Variants in ADD1 observed in about 807,000 individuals in gnomAD.
The protein encoded by ADD1 is adducin 1.
ADD1 carries 24 observed loss-of-function variants against 80.5 expected under a neutral mutation model. The ratio of observed to expected loss-of-function variants is 0.30; its 90% confidence interval spans 0.22 to 0.42. The LOEUF (loss-of-function observed/expected upper bound fraction) is 0.42, where lower values mean the gene tolerates loss of function less well. ADD1 is among the 10% of genes least tolerant of loss of function. The pLI, the probability that ADD1 is intolerant of heterozygous loss-of-function variation, is 1.00. For missense variants in ADD1, 948 were observed against 1,019.0 expected, an observed-to-expected ratio of 0.93 and a Z score of 0.95; for synonymous variants, 373 against 393.8, an observed-to-expected ratio of 0.95 and a Z score of 0.63.
At chr4:2,927,400 G>A (rs572570932) in intron 15 of ADD1, among the ~76,000 whole-genome samples, 6 of 152,370 alleles carry the variant, frequency 3.9e-5, no homozygotes, top group African/African-American at 1.4e-4. Context: ...CCACTCAGCT[G>A]ACTCCCCTGG....
At chr4:2,905,761 AG>A (rs1736949076) in intron 10 of ADD1, 2 of 153,160 alleles carry the variant, frequency 1.3e-5, no homozygotes, top group Non-Finnish European at 2.9e-5. Flanking sequence ...GGCCATCTGC[AG>A]GCACCAGCGA....
intron 6 of ADD1, among the ~76,000 whole-genome samples, chr4:2,896,029 A>G (rs1013866800): frequency 1.3e-5 from 2 of 151,968 alleles, no homozygotes; most frequent in African/African-American, 4.8e-5. Flanking sequence ...CTGGGACTAC[A>G]GGTGCCCGCC....
intron 14 of ADD1, among the ~76,000 whole-genome samples, chr4:2,918,108 T>G (rs1181217769): frequency 6.6e-6 from 1 of 152,254 alleles, no homozygotes; most frequent in Non-Finnish European, 1.5e-5. Flanking sequence ...ATAAATTACT[T>G]TGGGCAGTAT....
intron 14 of ADD1, among the ~76,000 whole-genome samples, chr4:2,918,607 T>C (rs535861427): frequency 6.2e-4 from 94 of 152,356 alleles, no homozygotes; most frequent in African/African-American, 2.3e-3. Flanking sequence ...TCAAAGGGAA[T>C]GCTTCCAGCC....
At chr4:2,885,803 G>T (rs191880812) in intron 4 of ADD1, among the ~76,000 whole-genome samples, 1 of 151,874 alleles carries the variant, frequency 6.6e-6, no homozygotes, top group African/African-American at 2.4e-5. Flanking sequence ...GTAGAGACGG[G>T]GTTTCACCGT....
chr4:2,912,173 C>T (rs1738188473), intron 13 of ADD1, among the ~76,000 whole-genome samples: 1 of 152,210 alleles, frequency 6.6e-6, no homozygotes, highest in African/African-American at 2.4e-5. Context: ...CTGTGTTTTG[C>T]TTTAGAGGCT....
intron 14 of ADD1, among the ~76,000 whole-genome samples, chr4:2,919,569 G>T (rs1314058563): frequency 6.6e-6 from 1 of 152,168 alleles, no homozygotes; most frequent in Non-Finnish European, 1.5e-5. Flanking sequence ...TCTTGGGAGG[G>T]TGTATGTATC....
intron 1 of ADD1, among the ~76,000 whole-genome samples, chr4:2,874,422 C>T (rs1470643595): frequency 6.6e-6 from 1 of 152,042 alleles, no homozygotes; most frequent in Non-Finnish European, 1.5e-5. Flanking sequence ...GCCTGGCCAA[C>T]ATGGTGAAAC....
chr4:2,897,862 C>G (rs966330553), intron 6 of ADD1, among the ~76,000 whole-genome samples: 4 of 152,074 alleles, frequency 2.6e-5, no homozygotes, highest in African/African-American at 9.7e-5. Context: ...TCAGAGGAGT[C>G]TGTGGTCTGC....
intron 1 of ADD1, among the ~76,000 whole-genome samples, chr4:2,856,829 G>A (rs1265348774): frequency 6.6e-6 from 1 of 151,568 alleles, no homozygotes; most frequent in African/African-American, 2.4e-5. Flanking sequence ...GACCTCAGGT[G>A]ATCTGCCCAC....
intron 1 of ADD1, among the ~76,000 whole-genome samples, chr4:2,846,302 C>G (rs75957797): frequency 0.017 from 2,651 of 152,224 alleles, 56 homozygotes; most frequent in African/African-American, 0.046. Context: ...TATGCACAGT[C>G]TCAATTTTAC....
chr4:2,899,451 C>T lies in ADD1; in HGVS notation c.1161+16C>T. The stretch of plus-strand genomic sequence containing the variant: ...CGATAATCTGGTAAGAATGGTGCCA[C>T]CACTTGATGATAAACCTTTTGTTCT... On this transcript the variant is annotated intron_variant, in intron 9 of 15. Transcript: ENST00000683351. 1 of 1,613,998 alleles carries T rather than the reference C, an allele frequency of 6.2e-7. No individual in the cohort carries two copies.
chr4:2,871,380 A>G (rs575103604), intron 1 of ADD1, among the ~76,000 whole-genome samples: 1 of 152,274 alleles, frequency 6.6e-6, no homozygotes, highest in East Asian at 1.9e-4. Context: ...AACACACTGA[A>G]TTGCTTTTAT....
chr4:2,892,370 T>G (rs1734432786), intron 4 of ADD1, among the ~76,000 whole-genome samples: 1 of 152,218 alleles, frequency 6.6e-6, no homozygotes, highest in Non-Finnish European at 1.5e-5. Context: ...TGAATATTTT[T>G]GAGGGCAGGT....
intron 3 of ADD1, among the ~76,000 whole-genome samples, chr4:2,883,698 G>T (rs1246874231): frequency 6.6e-6 from 1 of 151,390 alleles, no homozygotes; most frequent in East Asian, 1.9e-4. Flanking sequence ...TTGAGATGGA[G>T]TCTTGCTCTG....
intron 1 of ADD1, among the ~76,000 whole-genome samples, chr4:2,852,694 A>C (rs1242332598): frequency 6.7e-5 from 9 of 134,638 alleles, no homozygotes; most frequent in Non-Finnish European, 9.7e-5. Flanking sequence ...AGCAGGAAAT[A>C]TCTTTTTTTT....
At chr4:2,907,063 G>C (rs919711222) in intron 10 of ADD1, 1 of 152,172 alleles carries the variant, frequency 6.6e-6, no homozygotes, top group African/African-American at 2.4e-5. Context: ...TACTAAAACA[G>C]CCTTTAAATA....
chr4:2,854,148 C>G (rs1272351943), intron 1 of ADD1, among the ~76,000 whole-genome samples: 1 of 151,980 alleles, frequency 6.6e-6, no homozygotes, highest in Non-Finnish European at 1.5e-5. Flanking sequence ...ATGGTGAAAC[C>G]CCATCTGTAC....
chr4:2,849,260 G>A (rs59798370), intron 1 of ADD1, among the ~76,000 whole-genome samples: 2,818 of 152,178 alleles, frequency 0.019, 60 homozygotes, highest in African/African-American at 0.047. Context: ...TATAATTATT[G>A]TTTTTTTCTG....
Sources: allele counts gnomAD v4.1 joint callset (sites outside exome capture counted in the v4.1 genomes callset), GRCh38; gene constraint gnomAD v4.1.1; transcripts MANE v1.5; gene names NCBI Gene and HGNC (gene_info 2026-07-23, HGNC 2026-07-21).